Variants in CHD9 observed in about 807,000 individuals in gnomAD.
The protein encoded by CHD9 is ATP-dependent chromatin remodeler CHD9.
Under a neutral mutation model 316.1 loss-of-function variants are expected in CHD9, and 77 were observed. The ratio of observed to expected loss-of-function variants is 0.24; its 90% CI spans 0.20 to 0.29. The LOEUF is 0.29. Among genes scored for constraint, CHD9 ranks in the 10% least tolerant of loss-of-function variants. CHD9 has a pLI of 1.00. For synonymous variants in CHD9, 1,129 were observed against 1,158.3 expected, an observed-to-expected ratio of 0.97 and a Z score of 0.51; for missense variants, 2,763 against 3,438.1, an observed-to-expected ratio of 0.80 and a Z score of 4.91.
At chr16:53,071,519 C>T (rs1204806436) in intron 1 of CHD9, among the ~76,000 whole-genome samples, 1 of 152,176 alleles carries the variant, frequency 6.6e-6, no homozygotes, top group African/African-American at 2.4e-5. Context: ...AATATTCCCT[C>T]AGGTGAGCCC....
chr16:53,278,494 A>T (rs1327750676), intron 24 of CHD9, among the ~76,000 whole-genome samples: 1 of 152,170 alleles, frequency 6.6e-6, no homozygotes, highest in Non-Finnish European at 1.5e-5. Flanking sequence ...AAACAAAAAC[A>T]TAAAGTGGGG....
rs2054452579 is a variant in CHD9, at chr16:53,292,752, T to A, written c.5291-81T>A. The A allele has an allele frequency of 7.8e-6, 9 of 1,149,322 alleles. No individual in the cohort carries two copies. In the East Asian group the frequency reaches 1.7e-4, roughly 21 times the overall value. 71.2% of individuals were successfully genotyped at this position (1,149,322 alleles called of 1,614,324 possible). Reference sequence around the variant, plus strand: ...TTCCCCACATAGATTGAATTAAAAATTTTTAAAGTAAAGTTGCTGCTTTTG... The same window carrying A: ...TTCCCCACATAGATTGAATTAAAAAATTTTAAAGTAAAGTTGCTGCTTTTG... On this transcript the variant is annotated intron_variant, in intron 28 of 38. Transcript: ENST00000447540.
chr16:53,106,447 A>C (rs1308329685), intron 1 of CHD9, among the ~76,000 whole-genome samples: 7 of 152,200 alleles, frequency 4.6e-5, no homozygotes, highest in Non-Finnish European at 1.0e-4. Flanking sequence ...TGACTAATGG[A>C]TATTTCCCGA....
chr16:53,307,690 A>G lies in CHD9; in HGVS notation c.6790A>G (p.Met2264Val). The G allele has an allele frequency of 6.2e-7, 1 of 1,606,576 alleles. No individual in the cohort carries two copies. The highest frequency in any genetic ancestry group is 8.5e-7 in the Non-Finnish European group (1 of 1,176,156). Residue 2264 changes from methionine to valine, a missense_variant, in exon 33 of 39, where the codon ATG (methionine) becomes GTG (valine). Met to Val is a conservative substitution (Grantham distance 21). Coordinates refer to ENST00000447540, the MANE Select transcript of CHD9 (RefSeq NM_001308319.2). Reference sequence around the variant, plus strand: ...TTGCACGCTTTTCTAGGATCGTGTGATGATCAATAGGTTGGACAGTATTTG... The same window carrying G: ...TTGCACGCTTTTCTAGGATCGTGTGGTGATCAATAGGTTGGACAGTATTTG... Reference protein sequence around the residue: ...AASYWPKDRVMINRLDSICQT... With the variant: ...AASYWPKDRVVINRLDSICQT...
rs906844378 is a variant in CHD9 at position 53,267,844 on chromosome 16, T to C, written c.4518-83T>C. On this transcript the variant is annotated intron_variant, in intron 21 of 38. Coordinates refer to ENST00000447540, the MANE Select transcript of CHD9 (RefSeq NM_001308319.2). ...TAGCAAAAATGACAATTTTTTAAAG[T>C]TTTTCATTCCTTTTATCTATGAGTT... 2.5e-5 allele frequency: 31 copies of C among 1,264,608 alleles called. No homozygotes were observed. In the African/African-American group the frequency reaches 4.5e-4, roughly 18 times the overall value. The allele number at this position is 1,264,608 out of a possible 1,614,324, so 78.3% of individuals were successfully genotyped here.
chr16:53,086,950 T>C (rs544883927), intron 1 of CHD9, among the ~76,000 whole-genome samples: 3 of 152,250 alleles, frequency 2.0e-5, no homozygotes, highest in Non-Finnish European at 4.4e-5. Flanking sequence ...AGGTGTCCCT[T>C]TCTGCACCCC....
Position 53,273,662 on chromosome 16 carries a change from A to G in CHD9, c.4754A>G (p.Lys1585Arg). The change falls in exon 23 of 39, where the codon AAG becomes AGG. Residue 1585 changes from lysine to arginine, a missense_variant. Around this residue, in one of 15 missense-constraint regions of CHD9, gnomAD observed 99 missense variants for 131.6 expected, o/e 0.75. Coordinates refer to ENST00000447540, the MANE Select transcript of CHD9 (RefSeq NM_001308319.2). ...CCTGTACCCAGGGGTCGAAAAGGGA[A>G]GAAAGTAAAAACTCAAACAAGCTCA... is the stretch of plus-strand genomic sequence containing the variant. ...SAPVPRGRKG[K>R]KVKTQTSSFD... 6.2e-7 allele frequency: 1 copy of G among 1,613,048 alleles called. No homozygotes were observed.
chr16:53,162,494 CAT>C (rs142513285), intron 2 of CHD9, among the ~76,000 whole-genome samples: 4,928 of 152,192 alleles, frequency 0.032, 96 homozygotes, highest in Middle Eastern at 0.071. Context: ...GTGGAAATAA[CAT>C]GTGGAGCACT....
chr16:53,209,412 T>C, intron 2 of CHD9, 70 bp from the exon 3 acceptor site: 1 of 1,068,388 alleles, frequency 9.4e-7, no homozygotes. Flanking sequence ...TTTAAGATTT[T>C]CAGATATTTG....
rs2055700066 is a variant in CHD9, at chr16:53,304,111, A to G, written c.6105A>G (p.Leu2035=). The G allele has an allele frequency of 1.2e-6, 2 of 1,613,800 alleles. No individual in the cohort carries two copies. Among genetic ancestry groups the G allele is most frequent in the South Asian group, 1.1e-5 (1 of 91,074 alleles). ...CTCTTACCTCTCTACCTAGGCTCCT[A>G]GATGCTAAAGGTATTATTCTAGAGG... ...ASPLTSLPRL[L]DAKGIILEEM... The change falls in exon 31 of 39, where the codon CTA becomes CTG. Residue 2035 remains leucine (L), a synonymous_variant. Transcript: ENST00000447540.
intron 2 of CHD9, chr16:53,208,633 A>G (rs1305966282): frequency 2.0e-6 from 2 of 994,130 alleles, no homozygotes; most frequent in Non-Finnish European, 2.4e-6. Flanking sequence ...AGTGAAGCAC[A>G]CTGGAATCAG....
intron 30 of CHD9, among the ~76,000 whole-genome samples, chr16:53,300,838 G>T (rs2153074121): frequency 6.6e-6 from 1 of 152,280 alleles, no homozygotes; most frequent in African/African-American, 2.4e-5. Flanking sequence ...AGATGCGGTG[G>T]CTCACGCCTG....
chr16:53,267,433 C>G lies in CHD9; in HGVS notation c.4460C>G (p.Ser1487Cys). ...KPKLRRPCDR[S>C]NGYGRTECFR... ...AAACTCCGGAGACCCTGTGACCGTT[C>G]CAATGGCTATGGAAGAACTGAATGC... is the stretch of plus-strand genomic sequence containing the variant. Residue 1487 changes from serine (S) to cysteine (C), a missense_variant, in exon 21 of 39, where the codon TCC (serine) becomes TGC (cysteine). By Grantham distance (112) the Ser-to-Cys change is moderately radical (BLOSUM62 -1). Transcript: ENST00000447540. 6.2e-7 allele frequency: 1 copy of G among 1,611,636 alleles called. No homozygotes were observed. Among genetic ancestry groups the G allele is most frequent in the Non-Finnish European group, 8.5e-7 (1 of 1,178,606 alleles).
Position 53,217,540 on chromosome 16 carries a change from C to T in CHD9, c.1785-5104C>T, listed in dbSNP as rs538986089. Among the ~76,000 whole-genome samples the T allele has an allele frequency of 1.6e-3, 249 of 152,288 alleles. 1 individual carries two copies. Among genetic ancestry groups the T allele is most frequent in the African/African-American group, 5.8e-3 (243 of 41,562 alleles). On this transcript the variant is annotated intron_variant, in intron 3 of 38. Transcript: ENST00000447540. ...AAGTGCTGGGATCACAGGCGTGAGC[C>T]ACCACACCTGTCTAGAATCTGTATT...
chr16:53,100,934 A>G (rs1235711293), intron 1 of CHD9, among the ~76,000 whole-genome samples: 3 of 152,238 alleles, frequency 2.0e-5, no homozygotes, highest in African/African-American at 7.2e-5. Flanking sequence ...ATGTTATTAT[A>G]TATAATTATG....
intron 10 of CHD9, 137 bp downstream of exon 10, chr16:53,231,921 G>C: frequency 1.2e-6 from 1 of 813,450 alleles, no homozygotes; most frequent in Non-Finnish European, 1.8e-6. Flanking sequence ...AGTTTTGGGA[G>C]CCAAAGCTTA....
chr16:53,108,998 AG>A (rs1011178661), intron 1 of CHD9, among the ~76,000 whole-genome samples: 7 of 152,156 alleles, frequency 4.6e-5, no homozygotes, highest in Non-Finnish European at 8.8e-5. Flanking sequence ...ATTGAAGGAG[AG>A]GGGGTGTATC....
chr16:53,286,559 T>G (rs768613899), intron 26 of CHD9, among the ~76,000 whole-genome samples: 34 of 152,188 alleles, frequency 2.2e-4, no homozygotes, highest in Non-Finnish European at 3.5e-4. Flanking sequence ...ATTCTTTTGA[T>G]GAGTTTTTCA....
intron 1 of CHD9, among the ~76,000 whole-genome samples, chr16:53,073,887 G>A (rs567575379): frequency 3.3e-5 from 5 of 152,178 alleles, no homozygotes; most frequent in African/African-American, 1.2e-4. Flanking sequence ...GGTACCAGTA[G>A]AGTGGGGCGC....
Sources: gnomAD v4.1 joint callset for allele counts (sites outside exome capture counted in the v4.1 genomes callset) on GRCh38, gnomAD v4.1.1 for gene constraint, gnomAD v4.1.1 regional missense constraint, MANE v1.5 for transcripts, NCBI Gene and HGNC (gene_info 2026-07-23, HGNC 2026-07-21) for gene names.